The following CIT variants were observed in gnomAD, a reference collection of about 807,000 sequenced individuals.
The protein encoded by CIT is citron rho-interacting serine/threonine kinase, also known as citron Rho-interacting kinase.
Under a neutral mutation model 272.7 loss-of-function variants are expected in CIT, and 79 were observed. The observed-to-expected ratio is 0.29, with a 90% confidence interval of 0.24 to 0.35. CIT has a LOEUF of 0.35. CIT is among the 10% of genes least tolerant of loss of function. The probability of loss-of-function intolerance (pLI) is 1.00; values close to 1 mark genes in which losing one functional copy is unlikely to be tolerated. For missense variants in CIT, 1,909 were observed against 2,618.3 expected (o/e 0.73, Z 5.91); for synonymous variants, 948 against 995.6 (o/e 0.95, Z 0.90).
chr12:119,790,427 AAACT>A (rs949228511), intron 10 of CIT, among the ~76,000 whole-genome samples: 1 of 152,196 alleles, frequency 6.6e-6, no homozygotes, highest in African/African-American at 2.4e-5. Flanking sequence ...TGCAGTAAAC[AAACT>A]ATCTAATTAT....
Position 119,869,051 on chromosome 12 carries a change from C to T in CIT, c.238+9G>A. The T allele has an allele frequency of 6.2e-7, 1 of 1,608,372 alleles. No individual in the cohort carries two copies. The highest frequency in any genetic ancestry group is 8.5e-7 in the Non-Finnish European group (1 of 1,178,898). ...GGACAGTTTTCAAGAAAAAGTTCCC[C>T]AAACTTACACTTCCGGACAAAGTTG... On this transcript the variant is annotated intron_variant, in intron 3 of 47. Coordinates refer to ENST00000392521, the MANE Select transcript of CIT (RefSeq NM_001206999.2).
intron 2 of CIT, among the ~76,000 whole-genome samples, chr12:119,869,790 A>C (rs1950615055): frequency 6.6e-6 from 1 of 152,220 alleles, no homozygotes; most frequent in Non-Finnish European, 1.5e-5. Flanking sequence ...TTTCAAAATC[A>C]GGAGATTCCA....
chr12:119,699,802 C>T (rs1210338231), intron 44 of CIT: 2 of 456,098 alleles, frequency 4.4e-6, no homozygotes, highest in South Asian at 1.5e-5. Context: ...TGTTTGAAGT[C>T]ACTAAGCTTT....
intron 9 of CIT, among the ~76,000 whole-genome samples, chr12:119,808,494 T>C (rs1966731019): frequency 6.6e-6 from 1 of 151,500 alleles, no homozygotes; most frequent in South Asian, 2.1e-4. Context: ...TGCTTCAGAG[T>C]ACCCAATGTA....
At chr12:119,736,326 A>T (rs2137267336) in intron 24 of CIT, among the ~76,000 whole-genome samples, 1 of 150,834 alleles carries the variant, frequency 6.6e-6, no homozygotes, top group East Asian at 2.0e-4. Context: ...GATTTCGTTT[A>T]TGAAATGTTG....
At chr12:119,782,469 G>C in intron 13 of CIT, 49 bp downstream of exon 13, 1 of 1,601,022 alleles carries the variant, frequency 6.2e-7, no homozygotes, top group Non-Finnish European at 8.5e-7. Context: ...TGAAATTAGA[G>C]GTCCAAGCAA....
In CIT at chr12:119,857,586, T is replaced by C. The variant is rs1428374104; in HGVS notation, c.351A>G (p.Lys117=). 1.2e-6 allele frequency: 2 copies of C among 1,614,178 alleles called. No homozygotes were observed. Among genetic ancestry groups the C allele is most frequent in the East Asian group, 2.2e-5 (1 of 44,884 alleles). The change falls in exon 4 of 48, where the codon AAA becomes AAG. Residue 117 remains lysine, a synonymous_variant. Coordinates refer to ENST00000392521, the MANE Select transcript of CIT (RefSeq NM_001206999.2). ...HFAEVQVVRE[K]ATGDIYAMKV... ...TCATAGCATAGATGTCCCCGGTTGC[T>C]TTCTCTCTTACCACCTGCACTTCAG... is the stretch of plus-strand genomic sequence containing the variant.
intron 21 of CIT, 129 bp downstream of exon 21, chr12:119,758,462 G>A: frequency 1.5e-6 from 1 of 678,556 alleles, no homozygotes; most frequent in Non-Finnish European, 2.7e-6. Flanking sequence ...GTAAGTATCT[G>A]AGGGCTGGGC....
chr12:119,740,332 AATT>A (rs1413943193), intron 24 of CIT, among the ~76,000 whole-genome samples: 1 of 152,238 alleles, frequency 6.6e-6, no homozygotes, highest in Non-Finnish European at 1.5e-5. Context: ...GGACAAGATG[AATT>A]ACAAAGGGGT....
intron 23 of CIT, among the ~76,000 whole-genome samples, chr12:119,745,400 A>AAAAAAAAAAAC (rs1555231402): frequency 1.4e-5 from 2 of 143,664 alleles, no homozygotes; most frequent in Admixed American, 7.0e-5. Context: ...AAAAAAAAAC[A>AAAAAAAAAAAC]CCTGTCCACA....
chr12:119,698,824 AGAAACTC>A (rs1302768751), intron 44 of CIT, among the ~76,000 whole-genome samples: 1 of 152,252 alleles, frequency 6.6e-6, no homozygotes, highest in Non-Finnish European at 1.5e-5. Flanking sequence ...TGGAAGGACA[AGAAACTC>A]ATATGAGCTT....
chr12:119,869,397 CTG>C (rs1186871203), intron 2 of CIT, among the ~76,000 whole-genome samples, 196 bp from the exon 3 acceptor site: 1 of 152,238 alleles, frequency 6.6e-6, no homozygotes, highest in Non-Finnish European at 1.5e-5. Context: ...GATTCCAAGA[CTG>C]TGGGTTTCTT....
intron 9 of CIT, among the ~76,000 whole-genome samples, chr12:119,811,079 T>C (rs1038449595): frequency 3.3e-5 from 5 of 152,016 alleles, no homozygotes; most frequent in African/African-American, 9.7e-5. Flanking sequence ...AATCCCAGCA[T>C]TTTAGGAGGC....
chr12:119,850,156 A>G lies in CIT; in HGVS notation c.516+18T>C, dbSNP rs1416190248. On this transcript the variant is annotated intron_variant, in intron 5 of 47. Coordinates refer to ENST00000392521, the MANE Select transcript of CIT (RefSeq NM_001206999.2). Reference sequence around the variant, plus strand: ...AGAGTGCTAGGCTAATTCCAGAGAGACAGATGTAAAGACTCACCAGATAAA... The same window carrying G: ...AGAGTGCTAGGCTAATTCCAGAGAGGCAGATGTAAAGACTCACCAGATAAA... 2 of 1,443,436 alleles carry G rather than the reference A, an allele frequency of 1.4e-6. No homozygotes were observed. Among genetic ancestry groups the G allele is most frequent in the African/African-American group, 1.4e-5 (1 of 71,458 alleles). The allele number at this position is 1,443,436 out of a possible 1,614,324, so 89.4% of individuals were successfully genotyped here. A position where few individuals can be genotyped will look rare whatever the true frequency, so the allele number is the denominator to read the frequency against.
chr12:119,777,124 G>A (rs1963828448), intron 13 of CIT, among the ~76,000 whole-genome samples: 1 of 152,114 alleles, frequency 6.6e-6, no homozygotes, highest in Non-Finnish European at 1.5e-5. Context: ...GTGTGGTGGT[G>A]CGGGCCTATA....
At chr12:119,696,601 C>T (rs1042933081) in intron 46 of CIT, among the ~76,000 whole-genome samples, 17 of 152,202 alleles carry the variant, frequency 1.1e-4, no homozygotes, top group African/African-American at 4.1e-4. Flanking sequence ...TCTCAGCTCA[C>T]GGCAACCTCC....
At chr12:119,814,297 A>G (rs1054468412) in intron 9 of CIT, among the ~76,000 whole-genome samples, 4 of 152,178 alleles carry the variant, frequency 2.6e-5, no homozygotes, top group Non-Finnish European at 4.4e-5. Flanking sequence ...TTTCTTACCA[A>G]TCATTTACCT....
chr12:119,806,272 C>T (rs1966602795), intron 9 of CIT, among the ~76,000 whole-genome samples: 1 of 150,062 alleles, frequency 6.7e-6, no homozygotes, highest in South Asian at 2.1e-4. Context: ...TCAAGTACAA[C>T]AGGAAAGTTT....
In CIT at chr12:119,783,832, C is replaced by T. The variant is rs2240310; in HGVS notation, c.1545+76G>A. On this transcript the variant is annotated intron_variant, in intron 12 of 47. Coordinates refer to ENST00000392521, the MANE Select transcript of CIT (RefSeq NM_001206999.2). ...ATTGGCTGTGATGTGCCTCATGGAG[C>T]CATCATGAAACAGGATGAGACACAC... 0.45 allele frequency: 659,917 copies of T among 1,478,510 alleles called. 149,683 individuals are homozygous for T. The highest frequency in any genetic ancestry group is 0.55 in the Admixed American group (24,542 of 44,354). 91.6% of individuals were successfully genotyped at this position (1,478,510 alleles called of 1,614,324 possible). A position where few individuals can be genotyped will look rare whatever the true frequency, so the allele number is the denominator to read the frequency against.
Sources: allele counts gnomAD v4.1 joint callset (sites outside exome capture counted in the v4.1 genomes callset), GRCh38; gene constraint gnomAD v4.1.1; transcripts MANE v1.5; gene names NCBI Gene and HGNC (gene_info 2026-07-23, HGNC 2026-07-21).